RHNO1: variants seen among roughly 807,000 people sequenced by gnomAD.
RHNO1 encodes the protein RAD9, HUS1, RAD1-interacting nuclear orphan protein 1.
RHNO1 carries 9 observed loss-of-function variants against 7.2 expected under a neutral mutation model. The ratio of observed to expected loss-of-function variants is 1.25; its 90% CI spans 0.75 to 2.18. The LOEUF (loss-of-function observed/expected upper bound fraction) is 2.18. RHNO1 is among the 30% of genes most tolerant of loss of function. The pLI, the probability that RHNO1 is intolerant of heterozygous loss-of-function variation, is 0.00. For synonymous variants in RHNO1, 95 were observed against 107.5 expected (o/e 0.88, Z 0.72); for missense variants, 292 against 284.5 (o/e 1.03, Z -0.19).
In RHNO1 at chr12:2,885,561, A is replaced by ATTTT. The variant is rs10558952; in HGVS notation, c.168+55_168+58dup. 274 of 399,014 alleles carry ATTTT rather than the reference A, an allele frequency of 6.9e-4. 2 individuals are homozygous for ATTTT. Among genetic ancestry groups the ATTTT allele is most frequent in the African/African-American group, 2.1e-3 (32 of 15,488 alleles). 24.7% of individuals were successfully genotyped at this position (399,014 alleles called of 1,614,324 possible). ...TAGGCCCATGGGATTACTATTTGACATTTTTTTTTTTTTTTTTTTTTTTTT... is the reference window on the plus strand; with the variant it reads ...TAGGCCCATGGGATTACTATTTGACATTTTTTTTTTTTTTTTTTTTTTTTTTTTT... On this transcript the variant is annotated intron_variant, in intron 2 of 2. Transcript: ENST00000489288.
rs1565489345 is a variant in RHNO1 at position 2,885,377 on chromosome 12, GA to G, written c.18del (p.Lys6AsnfsTer89). 1.9e-6 allele frequency: 3 copies of G among 1,600,340 alleles called. No individual in the cohort carries two copies. Among genetic ancestry groups the G allele is most frequent in the African/African-American group, 1.3e-5 (1 of 74,166 alleles). On this transcript the variant is annotated frameshift_variant, in exon 2 of 3. Transcript: ENST00000489288. LOFTEE classifies it high-confidence loss of function. ...CTCATTCACCGGTTGATGCCTCCCA[GA>G]AAAAAACGCCGCCAGCCTTCCCAGA... MPP[R>X]KKRRQPSQKA...
intron 1 of RHNO1, among the ~76,000 whole-genome samples, chr12:2,880,191 C>T (rs527899098): frequency 1.3e-5 from 2 of 152,068 alleles, no homozygotes; most frequent in East Asian, 1.9e-4. Flanking sequence ...CCCAGCTATT[C>T]GGGAGGCTGA....
In RHNO1 at chr12:2,885,485, C is replaced by A; in HGVS notation, c.119C>A (p.Thr40Asn). 1.9e-6 allele frequency: 3 copies of A among 1,613,824 alleles called. No individual in the cohort carries two copies. The highest frequency in any genetic ancestry group is 2.5e-6 in the Non-Finnish European group (3 of 1,179,960). Residue 40 changes from threonine (T) to asparagine (N), a missense_variant, in exon 2 of 3, where the codon ACT becomes AAT. Thr to Asn is a moderately conservative substitution (Grantham distance 65). Coordinates refer to ENST00000489288, the MANE Select transcript of RHNO1 (RefSeq NM_001252499.3). The stretch of plus-strand genomic sequence containing the variant: ...TCTACACAGCTTCCCATCACTCACA[C>A]TCGACAGGTGCCCAGCAAGCCCATT... ...CASTQLPITH[T>N]RQVPSKPIDH...
At chr12:2,882,278 C>CAATAAATA (rs57480121) in intron 1 of RHNO1, among the ~76,000 whole-genome samples, 2,930 of 147,010 alleles carry the variant, frequency 0.02, 39 homozygotes, top group South Asian at 0.024. Flanking sequence ...CCTGTCTCTA[C>CAATAAATA]AATAAATAAA....
At chr12:2,882,401 A>G (rs2153944844) in intron 1 of RHNO1, among the ~76,000 whole-genome samples, 1 of 151,744 alleles carries the variant, frequency 6.6e-6, no homozygotes, top group Non-Finnish European at 1.5e-5. Flanking sequence ...GAACTCAGTT[A>G]GAAGGCTACC....
intron 1 of RHNO1, 37 bp from the exon 2 acceptor site, chr12:2,885,246 G>A (rs1603503235): frequency 2.3e-6 from 2 of 878,258 alleles, no homozygotes; most frequent in East Asian, 5.1e-5. Context: ...GGAATCATCT[G>A]AATTATTTGC....
At position 2,888,005 on chromosome 12, in the gene RHNO1, C is replaced by T. The variant is rs2098167670; in HGVS notation, c.263C>T (p.Thr88Ile). The change falls in exon 3 of 3, where the codon ACC becomes ATC. Residue 88 changes from threonine to isoleucine, a missense_variant. Thr to Ile is a moderately conservative substitution (Grantham distance 89). Coordinates refer to ENST00000489288, the MANE Select transcript of RHNO1 (RefSeq NM_001252499.3). ...RARHSSRKPT[T>I]SKFPHLTFES... is the part of the protein sequence containing the mutation. ...AGACACTCAAGTCGAAAACCTACCA[C>T]CTCCAAGTTTCCACATCTAACTTTT... 2 of 1,614,070 alleles carry T rather than the reference C, an allele frequency of 1.2e-6. No individual in the cohort carries two copies. Among genetic ancestry groups the T allele is most frequent in the Non-Finnish European group, 1.7e-6 (2 of 1,180,022 alleles).
At position 2,885,539 on chromosome 12, in the gene RHNO1, GC is replaced by G. The variant is rs759866507; in HGVS notation, c.168+8del. 434 of 1,454,060 alleles carry G rather than the reference GC, an allele frequency of 3.0e-4. No individual in the cohort carries two copies. Among genetic ancestry groups the G allele is most frequent in the Non-Finnish European group, 3.8e-4 (400 of 1,059,888 alleles). The allele number at this position is 1,454,060 out of a possible 1,614,324, so 90.1% of individuals were successfully genotyped here. A position where few individuals can be genotyped will look rare whatever the true frequency, so the allele number is the denominator to read the frequency against. ...CACAGCACCATCACTTCCTGGGTAG[GC>G]CCATGGGATTACTATTTGACATTTT... is the stretch of plus-strand genomic sequence containing the variant. On this transcript the variant is annotated splice_donor_region_variant and intron_variant, in intron 2 of 2. Coordinates refer to ENST00000489288, the MANE Select transcript of RHNO1 (RefSeq NM_001252499.3).
chr12:2,888,308 C>G lies in RHNO1; in HGVS notation c.566C>G (p.Pro189Arg), dbSNP rs778253907. The G allele has an allele frequency of 6.2e-7, 1 of 1,614,078 alleles. No individual in the cohort carries two copies. ...LLSCTLHTGT[P>R]NSPEPGPVLV... is the part of the protein sequence containing the mutation. ...AGCTGCACTCTTCACACTGGCACTC[C>G]TAATAGCCCAGAGCCTGGACCTGTT... Residue 189 changes from proline to arginine, a missense_variant, in exon 3 of 3, where the codon CCT (proline) becomes CGT (arginine). Physicochemically the swap from Pro to Arg is moderately radical, Grantham distance 103 (BLOSUM62 -2). Transcript: ENST00000489288.
chr12:2,887,419 A>C (rs1468154690), intron 2 of RHNO1, among the ~76,000 whole-genome samples: 1 of 150,046 alleles, frequency 6.7e-6, no homozygotes, highest in East Asian at 2.0e-4. Context: ...CGGAGGTTGC[A>C]GTGAGCAGAG....
At position 2,885,366 on chromosome 12, in the gene RHNO1, G is replaced by A. The variant is rs766367326; in HGVS notation, c.-1G>A. ...ACTAACTGTTCCTCATTCACCGGTT[G>A]ATGCCTCCCAGAAAAAAACGCCGCC... is the stretch of plus-strand genomic sequence containing the variant. On this transcript the variant is annotated 5_prime_UTR_variant, in exon 2 of 3. Transcript: ENST00000489288. 5 of 1,612,244 alleles carry A rather than the reference G, an allele frequency of 3.1e-6. No homozygotes were observed. In the East Asian group the frequency reaches 8.9e-5, roughly 29 times the overall value.
chr12:2,888,693 A>G lies in RHNO1; in HGVS notation c.*234A>G, dbSNP rs1484309604. 2 of 366,786 alleles carry G rather than the reference A, an allele frequency of 5.5e-6. No homozygotes were observed. Among genetic ancestry groups the G allele is most frequent in the Non-Finnish European group, 9.7e-6 (2 of 205,548 alleles). The allele number at this position is 366,786 out of a possible 1,614,324, so 22.7% of individuals were successfully genotyped here. On this transcript the variant is annotated 3_prime_UTR_variant, in exon 3 of 3. Transcript: ENST00000489288. ...CAGGCACCAGCCACCATGCCTGGCT[A>G]ATTTTTTTGTATTTTTAGTAGAGAT...
In RHNO1 at chr12:2,885,414, G is replaced by A; in HGVS notation, c.48G>A (p.Leu16=). ...KRRQPSQKAP[L]LFHQQPLEGP... is the part of the protein sequence containing the mutation. Reference sequence around the variant, plus strand: ...GCCAGCCTTCCCAGAAAGCCCCGCTGCTGTTCCACCAACAACCACTGGAGG... The same window carrying A: ...GCCAGCCTTCCCAGAAAGCCCCGCTACTGTTCCACCAACAACCACTGGAGG... The change falls in exon 2 of 3, where the codon CTG becomes CTA. Residue 16 remains leucine (L), a synonymous_variant. Coordinates refer to ENST00000489288, the MANE Select transcript of RHNO1 (RefSeq NM_001252499.3). 1 of 1,613,934 alleles carries A rather than the reference G, an allele frequency of 6.2e-7. No homozygotes were observed. Among genetic ancestry groups the A allele is most frequent in the South Asian group, 1.1e-5 (1 of 91,066 alleles).
Position 2,888,101 on chromosome 12 carries a change from A to C in RHNO1, c.359A>C (p.Glu120Ala). ...ATCCGAGAGTGCCCCAGTGAATCAG[A>C]AAAGGATGTTTCCAGAAGACCCTTA... The part of the protein sequence containing the change: ...PLIRECPSES[E>A]KDVSRRPLVP... The change falls in exon 3 of 3, where the codon GAA (glutamate) becomes GCA (alanine). Residue 120 changes from glutamate to alanine, a missense_variant. Transcript: ENST00000489288. 1 of 1,614,036 alleles carries C rather than the reference A, an allele frequency of 6.2e-7. No homozygotes were observed. Among genetic ancestry groups the C allele is most frequent in the Non-Finnish European group, 8.5e-7 (1 of 1,179,978 alleles).
Position 2,888,066 on chromosome 12 carries a change from G to C in RHNO1, c.324G>C (p.Gly108=). ...SPQSSSSETL[G]IPLIRECPSE... ...AATCTTCCAGTTCAGAGACATTGGG[G>C]ATCCCCTTAATCCGAGAGTGCCCCA... Residue 108 remains glycine, a synonymous_variant, in exon 3 of 3, where the codon GGG becomes GGC. Transcript: ENST00000489288. The C allele has an allele frequency of 2.5e-6, 4 of 1,614,080 alleles. No homozygotes were observed. Among genetic ancestry groups the C allele is most frequent in the Non-Finnish European group, 3.4e-6 (4 of 1,180,020 alleles).
intron 1 of RHNO1, chr12:2,878,071 C>T (rs931530205): frequency 3.3e-5 from 5 of 152,274 alleles, no homozygotes; most frequent in Admixed American, 3.3e-4. Context: ...ACTCTGGAGG[C>T]TGAGGTGGAA....
chr12:2,877,366 T>A (rs1036852997), intron 1 of RHNO1, 84 bp downstream of exon 1: 1 of 151,884 alleles, frequency 6.6e-6, no homozygotes, highest in Admixed American at 6.5e-5. Flanking sequence ...GCCGCGTGGG[T>A]GGGCGAGCCG....
Position 2,883,511 on chromosome 12 carries a change from A to ATTT in RHNO1, c.-84-1751_-84-1749dup, listed in dbSNP as rs869192550. On this transcript the variant is annotated intron_variant, in intron 1 of 2. Coordinates refer to ENST00000489288, the MANE Select transcript of RHNO1 (RefSeq NM_001252499.3). ...TATATATATATATATATATATATAT[A>ATTT]TTTTTTTTTTTTTTTTTTTTTTTGA... Among the ~76,000 whole-genome samples, 27 of 26,842 alleles carry ATTT rather than the reference A, an allele frequency of 1.0e-3. 2 individuals carry two copies. The highest frequency in any genetic ancestry group is 1.3e-3 in the Non-Finnish European group (21 of 15,700). 17.6% of individuals were successfully genotyped at this position (26,842 alleles called of 152,430 possible). A position where few individuals can be genotyped will look rare whatever the true frequency, so the allele number is the denominator to read the frequency against.
chr12:2,879,614 G>A (rs998300951), intron 1 of RHNO1, among the ~76,000 whole-genome samples: 2 of 151,622 alleles, frequency 1.3e-5, no homozygotes, highest in Admixed American at 1.3e-4. Context: ...GATTACAGGC[G>A]TGAGCCACTG....
Sources: gnomAD v4.1 joint callset for allele counts (sites outside exome capture counted in the v4.1 genomes callset) on GRCh38, gnomAD v4.1.1 for gene constraint, MANE v1.5 for transcripts, NCBI Gene and HGNC (gene_info 2026-07-23, HGNC 2026-07-21) for gene names.